Variants in PDE7B observed in about 807,000 individuals in gnomAD.
PDE7B encodes the protein 3',5'-cyclic-AMP phosphodiesterase 7B.
In PDE7B, 29 loss-of-function variants were observed where a neutral mutation model predicts 56.2. The ratio of observed to expected loss-of-function variants is 0.52; its 90% CI spans 0.38 to 0.70. PDE7B has a LOEUF of 0.70. Among genes scored for constraint, PDE7B ranks in the 30% least tolerant of loss-of-function variants. PDE7B has a pLI of 0.00. For missense variants in PDE7B, 490 were observed against 565.0 expected (o/e 0.87, Z 1.35); for synonymous variants, 197 against 196.9 (o/e 1.00, Z 0.00).
At chr6:136,115,406 C>T (rs908107894) in intron 3 of PDE7B, among the ~76,000 whole-genome samples, 18 of 152,006 alleles carry the variant, frequency 1.2e-4, no homozygotes, top group Non-Finnish European at 1.9e-4. Context: ...TTATAAAATA[C>T]GCTTTAAGAC....
chr6:136,001,636 G>A (rs995138694), intron 2 of PDE7B, among the ~76,000 whole-genome samples: 2 of 152,148 alleles, frequency 1.3e-5, no homozygotes, highest in Non-Finnish European at 2.9e-5. Context: ...GAAGCGAGAA[G>A]AGAAGTTTAG....
intron 2 of PDE7B, among the ~76,000 whole-genome samples, chr6:135,971,759 T>C (rs1217151276): frequency 6.6e-6 from 1 of 152,140 alleles, no homozygotes; most frequent in Non-Finnish European, 1.5e-5. Context: ...GGAGATAAAC[T>C]ACCCACGGCA....
intron 8 of PDE7B, among the ~76,000 whole-genome samples, chr6:136,163,375 C>T (rs563752801): frequency 4.5e-4 from 68 of 152,342 alleles, no homozygotes; most frequent in African/African-American, 1.6e-3. Flanking sequence ...CTTTTAGCCA[C>T]GGCTGGAGCT....
chr6:136,149,178 A>T lies in PDE7B; in HGVS notation c.382+28A>T, dbSNP rs530618774. Reference sequence around the variant, plus strand: ...AAGTTACCCAAAAGAATTCTCACTAAAATATACACCATAAAGTGGGATTAA... The same window carrying T: ...AAGTTACCCAAAAGAATTCTCACTATAATATACACCATAAAGTGGGATTAA... On this transcript the variant is annotated intron_variant, in intron 5 of 12. Transcript: ENST00000308191. 146 of 1,421,142 alleles carry T rather than the reference A, an allele frequency of 1.0e-4. 1 individual carries two copies. In the East Asian group the frequency reaches 2.9e-3, roughly 28 times the overall value. The allele number at this position is 1,421,142 out of a possible 1,614,324, so 88.0% of individuals were successfully genotyped here.
At chr6:136,174,556 G>GC (rs1473812615) in intron 9 of PDE7B, among the ~76,000 whole-genome samples, 1 of 152,020 alleles carries the variant, frequency 6.6e-6, no homozygotes, top group Admixed American at 6.6e-5. Flanking sequence ...GTCTTCCAAG[G>GC]CCACCATTAA....
rs1176960356 is a variant in PDE7B, at chr6:135,935,188, A to T, written c.22-12276A>T. Among the ~76,000 whole-genome samples, 16 of 27,808 alleles carry T rather than the reference A, an allele frequency of 5.8e-4. 3 individuals carry two copies. The highest frequency in any genetic ancestry group is 3.4e-3 in the African/African-American group (15 of 4,368). 18.2% of individuals were successfully genotyped at this position (27,808 alleles called of 152,430 possible). ...CAGAGAATTTTATATATATATATTT[A>T]TTTATATATATATATATATATATAT... On this transcript the variant is annotated intron_variant, in intron 1 of 12. Transcript: ENST00000308191.
At chr6:136,164,895 C>T (rs533469884) in intron 8 of PDE7B, among the ~76,000 whole-genome samples, 23 of 151,728 alleles carry the variant, frequency 1.5e-4, no homozygotes, top group Non-Finnish European at 2.8e-4. Flanking sequence ...GCATTAAATG[C>T]CATTGTTATT....
intron 1 of PDE7B, among the ~76,000 whole-genome samples, chr6:135,940,808 A>T (rs1341457620): frequency 6.6e-6 from 1 of 152,208 alleles, no homozygotes; most frequent in African/African-American, 2.4e-5. Flanking sequence ...TGTCCTGGAA[A>T]AATAATCTCT....
At chr6:135,971,653 T>C (rs1252024993) in intron 2 of PDE7B, among the ~76,000 whole-genome samples, 1 of 152,160 alleles carries the variant, frequency 6.6e-6, no homozygotes, top group Non-Finnish European at 1.5e-5. Flanking sequence ...TGGACTAGAA[T>C]TCAAAAGACA....
intron 1 of PDE7B, among the ~76,000 whole-genome samples, chr6:135,859,293 A>G (rs1775099805): frequency 6.6e-6 from 1 of 152,112 alleles, no homozygotes. Flanking sequence ...TGTTCTTAAG[A>G]TGAGTGTTCA....
chr6:135,855,382 T>A (rs1198534049), intron 1 of PDE7B, among the ~76,000 whole-genome samples: 1 of 151,970 alleles, frequency 6.6e-6, no homozygotes, highest in Non-Finnish European at 1.5e-5. Flanking sequence ...CTGGAGTCTG[T>A]ACAAAGAAAT....
At chr6:136,188,710 T>C (rs2128452483) in intron 12 of PDE7B, among the ~76,000 whole-genome samples, 1 of 152,280 alleles carries the variant, frequency 6.6e-6, no homozygotes, top group Non-Finnish European at 1.5e-5. Context: ...CACACTTATT[T>C]TGTCAGATCA....
In PDE7B at chr6:136,022,258, G is replaced by A. The variant is rs184904094; in HGVS notation, c.82+74734G>A. 1.5e-3 allele frequency among the ~76,000 whole-genome samples: 229 copies of A among 152,298 alleles called. 1 individual carries two copies. Among genetic ancestry groups the A allele is most frequent in the African/African-American group, 5.1e-3 (211 of 41,568 alleles). ...TTTGTTTGAGAATTTTCTGGTTAATGTTTTTGTGTGCTTTTCAACGTGTTT... is the reference window on the plus strand; with the variant it reads ...TTTGTTTGAGAATTTTCTGGTTAATATTTTTGTGTGCTTTTCAACGTGTTT... On this transcript the variant is annotated intron_variant, in intron 2 of 12. Transcript: ENST00000308191.
At chr6:136,121,776 GT>G (rs1352335902) in intron 3 of PDE7B, among the ~76,000 whole-genome samples, 1 of 152,106 alleles carries the variant, frequency 6.6e-6, no homozygotes, top group African/African-American at 2.4e-5. Flanking sequence ...GTAAGTAGAA[GT>G]TTTTTTAAAG....
chr6:135,994,803 A>G (rs1236098631), intron 2 of PDE7B, among the ~76,000 whole-genome samples: 1 of 152,220 alleles, frequency 6.6e-6, no homozygotes, highest in Non-Finnish European at 1.5e-5. Flanking sequence ...GAATGCTAAG[A>G]ATTATTATAT....
intron 1 of PDE7B, among the ~76,000 whole-genome samples, chr6:135,926,614 A>G (rs559797364): frequency 3.9e-5 from 6 of 152,160 alleles, no homozygotes; most frequent in Admixed American, 2.6e-4. Context: ...TCCGGTGAAG[A>G]TCAGAAAATC....
rs776281168 is a variant in PDE7B, at chr6:136,173,833, A to G, written c.748A>G (p.Thr250Ala). The change falls in exon 9 of 13, where the codon ACA (threonine) becomes GCA (alanine). Residue 250 changes from threonine to alanine, a missense_variant. Thr to Ala is a moderately conservative substitution (Grantham distance 58). Coordinates refer to ENST00000308191, the MANE Select transcript of PDE7B (RefSeq NM_018945.4). ...SVLENHHWRS[T>A]IGMLRESRLL... Reference sequence around the variant, plus strand: ...GCTGGAGAATCATCACTGGCGATCTACAATTGGCATGCTTCGAGAATCAAG... The same window carrying G: ...GCTGGAGAATCATCACTGGCGATCTGCAATTGGCATGCTTCGAGAATCAAG... 6.2e-7 allele frequency: 1 copy of G among 1,612,598 alleles called. No individual in the cohort carries two copies. Among genetic ancestry groups the G allele is most frequent in the Non-Finnish European group, 8.5e-7 (1 of 1,178,906 alleles).
chr6:135,970,448 T>C (rs908526574), intron 2 of PDE7B, among the ~76,000 whole-genome samples: 1 of 41,476 alleles, frequency 2.4e-5, no homozygotes, highest in South Asian at 5.6e-4. Flanking sequence ...TTATGTGGGG[T>C]CTAGGCCAGT....
intron 8 of PDE7B, among the ~76,000 whole-genome samples, chr6:136,166,702 G>C (rs879157557): frequency 6.6e-6 from 1 of 152,036 alleles, no homozygotes; most frequent in Non-Finnish European, 1.5e-5. Flanking sequence ...CCTCCCACCA[G>C]GCCTCACCTC....
Sources: allele counts gnomAD v4.1 joint callset (sites outside exome capture counted in the v4.1 genomes callset), GRCh38; gene constraint gnomAD v4.1.1; transcripts MANE v1.5; gene names NCBI Gene and HGNC (gene_info 2026-07-23, HGNC 2026-07-21).